The following GOLGA8S variants were observed in gnomAD, a reference collection of about 807,000 sequenced individuals.
GOLGA8S encodes golgin subfamily A member 8S.
In GOLGA8S, 23 loss-of-function variants were observed where a neutral mutation model predicts 58.9. That is an observed-to-expected ratio of 0.39 (90% CI 0.28 to 0.55). The LOEUF (loss-of-function observed/expected upper bound fraction) is 0.55, where lower values mean the gene tolerates loss of function less well. Ranked by LOEUF, GOLGA8S falls within the 20% of genes least tolerant of loss-of-function variation. The probability of loss-of-function intolerance (pLI) is 0.63; values close to 1 mark genes in which losing one functional copy is unlikely to be tolerated. For missense variants in GOLGA8S, 266 were observed against 514.2 expected, an observed-to-expected ratio of 0.52 and a Z score of 4.67; for synonymous variants, 84 against 195.7, an observed-to-expected ratio of 0.43 and a Z score of 4.76.
chr15:23,361,124 A>G lies in GOLGA8S; in HGVS notation c.875-97A>G, dbSNP rs529170559. ...GGAGCCGGAGAGGAGCTGTGCGCCA[A>G]GAGGAGGGTTTTTTCTTTTCTTTTC... On this transcript the variant is annotated intron_variant, in intron 11 of 18. Coordinates refer to ENST00000562295, the Ensembl canonical transcript of GOLGA8S. The G allele has an allele frequency of 2.9e-4, 289 of 995,370 alleles. 11 individuals are homozygous for G. The highest frequency in any genetic ancestry group is 4.0e-4 in the Non-Finnish European group (273 of 682,352). 61.7% of individuals were successfully genotyped at this position (995,370 alleles called of 1,614,324 possible). A position where few individuals can be genotyped will look rare whatever the true frequency, so the allele number is the denominator to read the frequency against.
At chr15:23,356,114 T>C (rs1452946189) in intron 1 of GOLGA8S, among the ~76,000 whole-genome samples, 1 of 142,514 alleles carries the variant, frequency 7.0e-6, no homozygotes, top group African/African-American at 2.5e-5. Flanking sequence ...GAAATGAGGC[T>C]TGGGTTGTCC....
chr15:23,358,134 G>A (rs554554306), intron 4 of GOLGA8S, among the ~76,000 whole-genome samples: 20 of 152,272 alleles, frequency 1.3e-4, no homozygotes, highest in East Asian at 9.6e-4. Flanking sequence ...TGGCCCATAC[G>A]TGCTCAGTAA....
In GOLGA8S at chr15:23,363,785, C is replaced by A. The variant is rs533332279; in HGVS notation, c.1347+16C>A. ...GGAGGCCATGGTGAGCCTGACTCCC[C>A]CTGCACCCATTTTGCCACCTTTCTC... On this transcript the variant is annotated intron_variant, in intron 15 of 18. Coordinates refer to ENST00000562295, the Ensembl canonical transcript of GOLGA8S. The A allele has an allele frequency of 3.9e-4, 233 of 598,562 alleles. 44 individuals carry two copies. The highest frequency in any genetic ancestry group is 2.4e-3 in the African/African-American group (98 of 41,350). The allele number at this position is 598,562 out of a possible 1,614,324, so 37.1% of individuals were successfully genotyped here. A position where few individuals can be genotyped will look rare whatever the true frequency, so the allele number is the denominator to read the frequency against.
rs780347160 is a variant in GOLGA8S at position 23,364,308 on chromosome 15, G to A, written c.1348-35G>A. ...TGAAAATGCCACCTGAGGGCAGGTCGCTGCCGAGATGTGACTACAATATTT... is the reference window on the plus strand; with the variant it reads ...TGAAAATGCCACCTGAGGGCAGGTCACTGCCGAGATGTGACTACAATATTT... On this transcript the variant is annotated intron_variant, in intron 15 of 18. Transcript: ENST00000562295. The A allele has an allele frequency of 2.8e-4, 448 of 1,596,438 alleles. 3 individuals are homozygous for A. The highest frequency in any genetic ancestry group is 3.5e-4 in the Non-Finnish European group (416 of 1,177,208).
chr15:23,359,946 T>A (rs1485487461), intron 8 of GOLGA8S, among the ~76,000 whole-genome samples: 1 of 149,336 alleles, frequency 6.7e-6, no homozygotes, highest in African/African-American at 2.5e-5. Context: ...GCTAGCATGG[T>A]ATCTGGTGAA....
chr15:23,359,914 G>C (rs1440808668), intron 8 of GOLGA8S, among the ~76,000 whole-genome samples: 2 of 148,724 alleles, frequency 1.3e-5, no homozygotes, highest in Admixed American at 1.3e-4. Context: ...TCCCATGGTG[G>C]TTGTGAGGAT....
downstream of GOLGA8S, among the ~76,000 whole-genome samples, chr15:23,368,022 TAA>T (rs2069948621): frequency 6.6e-6 from 1 of 151,900 alleles, no homozygotes; most frequent in Non-Finnish European, 1.5e-5. Flanking sequence ...CATTTTAAAA[TAA>T]TATAACTATT....
rs781196129 is a variant in GOLGA8S at position 23,361,340 on chromosome 15, A to G, written c.994A>G (p.Ile332Val). The G allele has an allele frequency of 1.8e-5, 21 of 1,183,764 alleles. 1 individual carries two copies. The highest frequency in any genetic ancestry group is 4.5e-5 in the African/African-American group (3 of 66,684). 73.3% of individuals were successfully genotyped at this position (1,183,764 alleles called of 1,614,324 possible). The change falls in exon 12 of 19, where the codon ATA becomes GTA. Residue 332 changes from isoleucine to valine, a missense_variant. This residue lies in a region of GOLGA8S where 114 missense variants were observed against 120.7 expected (regional missense o/e 0.94). Transcript: ENST00000562295. ...GGCCCAGGTGGAGTACAATCAGCGC[A>G]TAAGTCTCCTGAATGAGGGGCAAAA...
At chr15:23,358,196 G>C (rs1400097550) in intron 4 of GOLGA8S, among the ~76,000 whole-genome samples, 1 of 152,290 alleles carries the variant, frequency 6.6e-6, no homozygotes, top group Non-Finnish European at 1.5e-5. Flanking sequence ...CAGAAGGGGG[G>C]GCCTTTCTCA....
chr15:23,362,694 C>G (rs641873), intron 13 of GOLGA8S, among the ~76,000 whole-genome samples: 41 of 142,460 alleles, frequency 2.9e-4, no homozygotes, highest in Middle Eastern at 3.7e-3. Context: ...TCTAGGAAAG[C>G]AAGGCAGTCA....
At chr15:23,365,449 C>T (rs1231385197), downstream of GOLGA8S, 26 of 479,830 alleles carry the variant, frequency 5.4e-5, no homozygotes, top group Non-Finnish European at 3.7e-6. Context: ...CACTCTTTGC[C>T]CAAAACTGTT....
At chr15:23,360,779 C>G (rs576805875) in exon 11 of GOLGA8S, 3 of 1,426,226 alleles carry the variant, frequency 2.1e-6, no homozygotes, top group Non-Finnish European at 3.0e-6. Flanking sequence ...GGTAGAGACG[C>G]TGGAGAGGAG....
chr15:23,364,304 G>C, intron 15 of GOLGA8S, 39 bp from the exon 16 acceptor site: 2 of 1,596,356 alleles, frequency 1.3e-6, no homozygotes, highest in South Asian at 2.2e-5. Context: ...CCTGAGGGCA[G>C]GTCGCTGCCG....
downstream of GOLGA8S, among the ~76,000 whole-genome samples, chr15:23,368,243 A>G (rs2069952301): frequency 6.6e-6 from 1 of 151,942 alleles, no homozygotes; most frequent in Admixed American, 6.6e-5. Flanking sequence ...GAAATACTGA[A>G]AGATTTTTCC....
chr15:23,364,483 G>T (rs2344792), intron 16 of GOLGA8S, 40 bp downstream of exon 16: 2 of 1,605,206 alleles, frequency 1.2e-6, no homozygotes, highest in African/African-American at 1.3e-5. Context: ...GAGCTACAGG[G>T]CCGTCGGAGG....
chr15:23,361,369 G>C lies in GOLGA8S; in HGVS notation c.1023G>C (p.Glu341Asp), dbSNP rs1478522671. The change falls in exon 12 of 19, where the codon GAG becomes GAC. Residue 341 changes from glutamate (E) to aspartate (D), a missense_variant. Around this residue, in one of 6 missense-constraint regions of GOLGA8S, gnomAD observed 114 missense variants for 120.7 expected, o/e 0.94. Transcript: ENST00000562295. ...GTCTCCTGAATGAGGGGCAAAAGGA[G>C]AGGCTTCGGGAGCAGCAGGAGAGGC... The C allele has an allele frequency of 4.4e-6, 5 of 1,123,676 alleles. No individual in the cohort carries two copies. In the South Asian group the frequency reaches 4.9e-5, roughly 11 times the overall value. 69.6% of individuals were successfully genotyped at this position (1,123,676 alleles called of 1,614,324 possible).
Position 23,364,267 on chromosome 15 carries a change from C to T in GOLGA8S, c.1348-76C>T, listed in dbSNP as rs2069866521. ...GCTGGCCCATGCCAGGACTCACCTCCACCTTCTCCATGACTTGAAAATGCC... is the reference window on the plus strand; with the variant it reads ...GCTGGCCCATGCCAGGACTCACCTCTACCTTCTCCATGACTTGAAAATGCC... On this transcript the variant is annotated intron_variant, in intron 15 of 18. Coordinates refer to ENST00000562295, the Ensembl canonical transcript of GOLGA8S. 44 of 1,580,216 alleles carry T rather than the reference C, an allele frequency of 2.8e-5. 1 individual carries two copies. The highest frequency in any genetic ancestry group is 4.4e-4 in the Middle Eastern group (2 of 4,576).
At chr15:23,368,025 T>C (rs553359212), downstream of GOLGA8S, among the ~76,000 whole-genome samples, 79 of 152,044 alleles carry the variant, frequency 5.2e-4, 1 homozygote, top group African/African-American at 1.7e-3. Context: ...TTTAAAATAA[T>C]ATAACTATTA....
chr15:23,364,191 C>T (rs1327504782), intron 15 of GOLGA8S, among the ~76,000 whole-genome samples, 152 bp from the exon 16 acceptor site: 8 of 145,352 alleles, frequency 5.5e-5, no homozygotes, highest in Admixed American at 2.1e-4. Context: ...GGCCTGGGGG[C>T]GAGTCTGTGA....
Sources: gnomAD v4.1 joint callset for allele counts (sites outside exome capture counted in the v4.1 genomes callset) on GRCh38, gnomAD v4.1.1 for gene constraint, gnomAD v4.1.1 regional missense constraint, MANE v1.5 for transcripts, NCBI Gene and HGNC (gene_info 2026-07-23, HGNC 2026-07-21) for gene names.